The following EEF2K variants were observed in gnomAD, a reference collection of about 807,000 sequenced individuals.
The protein encoded by EEF2K is alternative protein EEF2K.
In EEF2K, 70 loss-of-function variants were observed where a neutral mutation model predicts 93.8. The ratio of observed to expected loss-of-function variants is 0.75; its 90% CI spans 0.62 to 0.91. The LOEUF is 0.91. Ranked by LOEUF, EEF2K falls within the 40% of genes least tolerant of loss-of-function variation. EEF2K has a pLI of 0.00. For missense variants in EEF2K, 935 were observed against 972.9 expected, an observed-to-expected ratio of 0.96 and a Z score of 0.52; for synonymous variants, 376 against 380.8, an observed-to-expected ratio of 0.99 and a Z score of 0.15.
intron 3 of EEF2K, among the ~76,000 whole-genome samples, chr16:22,247,406 C>T (rs1478946990): frequency 1.3e-5 from 2 of 151,718 alleles, no homozygotes; most frequent in South Asian, 4.2e-4. Flanking sequence ...CAAGATTGCT[C>T]CACTGCACTC....
intron 15 of EEF2K, among the ~76,000 whole-genome samples, chr16:22,272,895 C>T (rs185441921): frequency 3.9e-5 from 6 of 152,230 alleles, no homozygotes; most frequent in Non-Finnish European, 8.8e-5. Flanking sequence ...CTGCTGACCT[C>T]GAACTGCTGA....
chr16:22,246,189 A>G (rs1249088999), intron 3 of EEF2K, among the ~76,000 whole-genome samples: 1 of 152,146 alleles, frequency 6.6e-6, no homozygotes, highest in Non-Finnish European at 1.5e-5. Context: ...GGAAACACTT[A>G]CTCATATTTA....
chr16:22,274,164 C>A (rs1444169826), intron 16 of EEF2K, among the ~76,000 whole-genome samples: 1 of 151,780 alleles, frequency 6.6e-6, no homozygotes, highest in African/African-American at 2.4e-5. Flanking sequence ...AAATTAGGGC[C>A]GGGCATGGTG....
At chr16:22,252,506 C>T (rs528919014) in intron 6 of EEF2K, among the ~76,000 whole-genome samples, 16 of 152,306 alleles carry the variant, frequency 1.1e-4, no homozygotes, top group Admixed American at 3.9e-4. Context: ...ATTGCCGAGC[C>T]AATCACAGTG....
At chr16:22,220,946 G>C (rs542355537) in intron 1 of EEF2K, among the ~76,000 whole-genome samples, 1 of 152,200 alleles carries the variant, frequency 6.6e-6, no homozygotes, top group Non-Finnish European at 1.5e-5. Flanking sequence ...AGGCGCTGGG[G>C]CTGGGAGCAG....
chr16:22,233,037 C>T (rs770781683), intron 2 of EEF2K, among the ~76,000 whole-genome samples: 10 of 152,202 alleles, frequency 6.6e-5, no homozygotes, highest in African/African-American at 9.6e-5. Context: ...CCCAAGCTCC[C>T]GTGGAGACGT....
intron 1 of EEF2K, among the ~76,000 whole-genome samples, chr16:22,219,500 A>G (rs2046992017): frequency 6.6e-6 from 1 of 152,134 alleles, no homozygotes; most frequent in African/African-American, 2.4e-5. Context: ...ATAGTGACAC[A>G]CACCTGTAGT....
At chr16:22,232,172 A>C (rs961339263) in intron 2 of EEF2K, among the ~76,000 whole-genome samples, 1 of 151,634 alleles carries the variant, frequency 6.6e-6, no homozygotes, top group African/African-American at 2.4e-5. Context: ...CTTTCAACTG[A>C]TGTCCTGGTC....
intron 3 of EEF2K, 46 bp downstream of exon 3, chr16:22,244,776 T>C: frequency 6.3e-7 from 1 of 1,597,188 alleles, no homozygotes; most frequent in South Asian, 1.1e-5. Context: ...GGGCTATACG[T>C]CCAGCTTCTG....
chr16:22,253,821 T>A (rs2047374094), intron 6 of EEF2K, among the ~76,000 whole-genome samples: 1 of 152,074 alleles, frequency 6.6e-6, no homozygotes, highest in Admixed American at 6.6e-5. Flanking sequence ...GTGGTAGGCC[T>A]GGCACAGTGG....
chr16:22,266,222 A>G (rs1208584712), intron 13 of EEF2K, among the ~76,000 whole-genome samples, 168 bp from the exon 14 acceptor site: 1 of 129,792 alleles, frequency 7.7e-6, no homozygotes, highest in African/African-American at 2.6e-5. Flanking sequence ...ACTCTGTCTC[A>G]AAAAAAAAAA....
chr16:22,229,680 G>A (rs1238807214), intron 2 of EEF2K, among the ~76,000 whole-genome samples: 1 of 152,142 alleles, frequency 6.6e-6, no homozygotes, highest in Admixed American at 6.6e-5. Context: ...CAGCCTGGGT[G>A]ACAGAGCGAG....
chr16:22,220,841 A>G (rs985744988), intron 1 of EEF2K, among the ~76,000 whole-genome samples: 3 of 152,192 alleles, frequency 2.0e-5, no homozygotes, highest in African/African-American at 7.2e-5. Flanking sequence ...CCTGGCCCCC[A>G]GTGGCCGCTG....
chr16:22,210,514 G>A (rs990515467), intron 1 of EEF2K, among the ~76,000 whole-genome samples: 3 of 152,106 alleles, frequency 2.0e-5, no homozygotes, highest in Non-Finnish European at 2.9e-5. Flanking sequence ...TGGCTGCTGC[G>A]GCAGCTGGTC....
chr16:22,271,011 C>T (rs1472674710), intron 15 of EEF2K, among the ~76,000 whole-genome samples: 3 of 150,010 alleles, frequency 2.0e-5, no homozygotes, highest in Non-Finnish European at 4.4e-5. Context: ...GCTCTGCTGC[C>T]CAGGCTGGAG....
At chr16:22,249,049 A>G (rs977998594) in intron 4 of EEF2K, among the ~76,000 whole-genome samples, 2 of 147,694 alleles carry the variant, frequency 1.4e-5, no homozygotes, top group African/African-American at 5.0e-5. Flanking sequence ...AGCTCACTGC[A>G]GCCTTGACCT....
intron 4 of EEF2K, 152 bp downstream of exon 4, chr16:22,248,967 C>T (rs2047321965): frequency 2.6e-6 from 2 of 772,068 alleles, no homozygotes; most frequent in South Asian, 2.0e-5. Flanking sequence ...TTGGTTGTAG[C>T]CAGCATTTTT....
chr16:22,240,369 T>C (rs2047210269), intron 2 of EEF2K, among the ~76,000 whole-genome samples: 1 of 152,222 alleles, frequency 6.6e-6, no homozygotes, highest in African/African-American at 2.4e-5. Flanking sequence ...TTTAGTGATT[T>C]GTTTACTGCT....
intron 2 of EEF2K, among the ~76,000 whole-genome samples, chr16:22,242,383 C>G (rs767621465): frequency 6.6e-6 from 1 of 151,836 alleles, no homozygotes; most frequent in Non-Finnish European, 1.5e-5. Flanking sequence ...GTGCAGTGGC[C>G]TGATCTCCAT....
Sources: allele counts gnomAD v4.1 joint callset (sites outside exome capture counted in the v4.1 genomes callset), GRCh38; gene constraint gnomAD v4.1.1; transcripts MANE v1.5; gene names NCBI Gene and HGNC (gene_info 2026-07-23, HGNC 2026-07-21).